ENPEP: variants seen among roughly 807,000 people sequenced by gnomAD.
ENPEP encodes glutamyl aminopeptidase.
A neutral mutation model predicts 114.5 loss-of-function variants in ENPEP; 103 were observed. The ratio of observed to expected loss-of-function variants is 0.90; its 90% confidence interval spans 0.77 to 1.06. The LOEUF is 1.06. Among genes scored for constraint, ENPEP ranks in the 50% least tolerant of loss-of-function variants. ENPEP has a pLI of 0.00. For synonymous variants in ENPEP, 420 were observed against 422.0 expected, an observed-to-expected ratio of 1.00 and a Z score of 0.06; for missense variants, 1,196 against 1,161.3, an observed-to-expected ratio of 1.03 and a Z score of -0.43.
At chr4:110,544,358 A>G (rs1726968664) in intron 13 of ENPEP, among the ~76,000 whole-genome samples, 1 of 152,112 alleles carries the variant, frequency 6.6e-6, no homozygotes, top group Non-Finnish European at 1.5e-5. Context: ...TCCACCGTTA[A>G]TTAGTAGTGA....
intron 13 of ENPEP, among the ~76,000 whole-genome samples, chr4:110,546,827 G>A (rs1176298654): frequency 6.6e-6 from 1 of 152,082 alleles, no homozygotes; most frequent in Non-Finnish European, 1.5e-5. Context: ...CAAAATGACT[G>A]TTTTAAGCCA....
chr4:110,526,470 C>T (rs1378603063), intron 10 of ENPEP, among the ~76,000 whole-genome samples: 2 of 152,094 alleles, frequency 1.3e-5, no homozygotes, highest in African/African-American at 4.8e-5. Context: ...ATTTCAAGGT[C>T]ACACAGTGTA....
At chr4:110,557,259 C>T (rs72667910) in intron 18 of ENPEP, among the ~76,000 whole-genome samples, 46 of 152,246 alleles carry the variant, frequency 3.0e-4, no homozygotes, top group Admixed American at 5.9e-4. Flanking sequence ...AGATGACTTA[C>T]GGATGATCAC....
chr4:110,496,098 TTC>T (rs1025712474), intron 3 of ENPEP, among the ~76,000 whole-genome samples: 10 of 152,222 alleles, frequency 6.6e-5, no homozygotes, highest in African/African-American at 2.4e-4. Flanking sequence ...GCATCTAGGA[TTC>T]TCTCTGTGAA....
Position 110,553,430 on chromosome 4 carries a change from C to T in ENPEP, c.2617C>T (p.Leu873Phe). The part of the protein sequence containing the change: ...GKNMAWNWIQ[L>F]NWDYLVNRYT... ...GAACATGGCCTGGAATTGGATACAA[C>T]TCAACTGGGACTATCTAGTCAACAG... Residue 873 changes from leucine to phenylalanine, a missense_variant, in exon 18 of 20, where the codon CTC becomes TTC. Physicochemically the swap from Leu to Phe is conservative, Grantham distance 22 (BLOSUM62 0). Coordinates refer to ENST00000265162, the MANE Select transcript of ENPEP (RefSeq NM_001977.4). 1 of 1,610,400 alleles carries T rather than the reference C, an allele frequency of 6.2e-7. No individual in the cohort carries two copies. Among genetic ancestry groups the T allele is most frequent in the Non-Finnish European group, 8.5e-7 (1 of 1,177,574 alleles).
intron 11 of ENPEP, 93 bp downstream of exon 11, chr4:110,531,370 T>C: frequency 1.0e-6 from 1 of 1,003,174 alleles, no homozygotes; most frequent in South Asian, 3.0e-5. Flanking sequence ...AGCTGGAACT[T>C]ATGTAAACTT....
At chr4:110,533,019 C>T in intron 11 of ENPEP, 1 of 420,726 alleles carries the variant, frequency 2.4e-6, no homozygotes, top group South Asian at 1.7e-5. Flanking sequence ...CGTTAGAATT[C>T]CACTGGAAGG....
intron 10 of ENPEP, among the ~76,000 whole-genome samples, chr4:110,526,148 C>CT (rs1726187826): frequency 6.6e-6 from 1 of 151,986 alleles, no homozygotes; most frequent in Non-Finnish European, 1.5e-5. Context: ...TGGTAGCACA[C>CT]ACCTGTAATC....
At chr4:110,495,615 G>A (rs1724898345) in intron 3 of ENPEP, among the ~76,000 whole-genome samples, 1 of 152,154 alleles carries the variant, frequency 6.6e-6, no homozygotes. Context: ...CAGCTACTCG[G>A]GAGGCTCAGG....
intron 11 of ENPEP, among the ~76,000 whole-genome samples, chr4:110,531,539 T>C (rs1458754250): frequency 6.6e-6 from 1 of 152,138 alleles, no homozygotes; most frequent in Non-Finnish European, 1.5e-5. Context: ...TGCCCAACAA[T>C]TGGAAGATCA....
intron 10 of ENPEP, among the ~76,000 whole-genome samples, chr4:110,527,370 G>A (rs975101568): frequency 3.3e-5 from 5 of 152,032 alleles, no homozygotes; most frequent in Non-Finnish European, 4.4e-5. Context: ...GCTATAATGC[G>A]AGTTCTGAAA....
intron 10 of ENPEP, among the ~76,000 whole-genome samples, chr4:110,528,180 C>T (rs1726269284): frequency 6.6e-6 from 1 of 151,974 alleles, no homozygotes; most frequent in African/African-American, 2.4e-5. Flanking sequence ...GATGGCTTAT[C>T]ATAAAGTTAA....
At chr4:110,543,103 A>T in intron 13 of ENPEP, 33 bp downstream of exon 13, 1 of 1,574,646 alleles carries the variant, frequency 6.4e-7, no homozygotes, top group African/African-American at 1.4e-5. Context: ...ATTACTTAAA[A>T]TACTGTGGGT....
chr4:110,547,490 G>A (rs927482847), intron 13 of ENPEP, among the ~76,000 whole-genome samples: 1 of 152,036 alleles, frequency 6.6e-6, no homozygotes, highest in Non-Finnish European at 1.5e-5. Context: ...GTAATTTCAT[G>A]AGACAGGGAA....
intron 2 of ENPEP, among the ~76,000 whole-genome samples, chr4:110,488,932 T>A (rs1048491373): frequency 6.6e-6 from 1 of 152,166 alleles, no homozygotes; most frequent in Non-Finnish European, 1.5e-5. Flanking sequence ...GACACACACA[T>A]CAGCTTGGGC....
chr4:110,558,270 T>TTATA (rs5861011), intron 18 of ENPEP, among the ~76,000 whole-genome samples: 3,370 of 141,592 alleles, frequency 0.024, 117 homozygotes, highest in African/African-American at 0.076. Flanking sequence ...TTTATAAAAA[T>TTATA]TATATATATA....
intron 1 of ENPEP, among the ~76,000 whole-genome samples, chr4:110,480,769 T>C (rs1724284093): frequency 6.6e-6 from 1 of 152,232 alleles, no homozygotes. Context: ...CACATTGTCT[T>C]TCTGGGGACA....
At chr4:110,508,079 C>T (rs934268262) in intron 4 of ENPEP, among the ~76,000 whole-genome samples, 4 of 152,104 alleles carry the variant, frequency 2.6e-5, no homozygotes, top group Non-Finnish European at 5.9e-5. Context: ...GTGGAAATCT[C>T]ACAAATTTAT....
At chr4:110,560,688 T>C (rs1376321737) in intron 19 of ENPEP, among the ~76,000 whole-genome samples, 1 of 152,174 alleles carries the variant, frequency 6.6e-6, no homozygotes, top group African/African-American at 2.4e-5. Flanking sequence ...TTGGTCAAGA[T>C]TTGATTCCAT....
Sources: gnomAD v4.1 joint callset for allele counts (sites outside exome capture counted in the v4.1 genomes callset) on GRCh38, gnomAD v4.1.1 for gene constraint, MANE v1.5 for transcripts, NCBI Gene and HGNC (gene_info 2026-07-23, HGNC 2026-07-21) for gene names.